The following LNX2 variants were observed in gnomAD, a reference collection of about 807,000 sequenced individuals.
The protein encoded by LNX2 is ligand of Numb protein X 2.
Under a neutral mutation model 66.2 loss-of-function variants are expected in LNX2, and 35 were observed. The observed-to-expected ratio is 0.53, with a 90% CI of 0.40 to 0.70. LNX2 has a LOEUF of 0.70. Ranked by LOEUF, LNX2 falls within the 30% of genes least tolerant of loss-of-function variation. The pLI is 0.00. For missense variants in LNX2, 791 were observed against 850.8 expected (o/e 0.93, Z 0.87); for synonymous variants, 337 against 315.6 (o/e 1.07, Z -0.72).
At chr13:27,605,420 T>A (rs1424380855) in intron 1 of LNX2, among the ~76,000 whole-genome samples, 2 of 152,226 alleles carry the variant, frequency 1.3e-5, no homozygotes, top group African/African-American at 2.4e-5. Context: ...CTGTGGCCAT[T>A]TACTCTTAGA....
intron 4 of LNX2, among the ~76,000 whole-genome samples, chr13:27,566,675 G>C (rs1314001959): frequency 6.6e-6 from 1 of 152,138 alleles, no homozygotes; most frequent in Non-Finnish European, 1.5e-5. Flanking sequence ...ATATGAAGAA[G>C]AGAAGTCCTA....
chr13:27,576,202 AAGAG>A (rs1955338550), intron 2 of LNX2, among the ~76,000 whole-genome samples: 1 of 152,222 alleles, frequency 6.6e-6, no homozygotes, highest in Non-Finnish European at 1.5e-5. Context: ...AAAAATGACA[AAGAG>A]AGAAATAGAC....
intron 1 of LNX2, among the ~76,000 whole-genome samples, chr13:27,583,898 G>C (rs76900683): frequency 0.029 from 4,452 of 152,184 alleles, 103 homozygotes; most frequent in Non-Finnish European, 0.044. Flanking sequence ...CTCTGGCTTT[G>C]TGGCCGGAAA....
intron 2 of LNX2, among the ~76,000 whole-genome samples, chr13:27,574,817 G>A (rs1320780373): frequency 1.3e-5 from 2 of 152,098 alleles, no homozygotes; most frequent in East Asian, 3.9e-4. Flanking sequence ...AGTAAGAGAG[G>A]AACAGCTCAT....
intron 1 of LNX2, among the ~76,000 whole-genome samples, chr13:27,604,515 A>T (rs1955693677): frequency 6.6e-6 from 1 of 152,246 alleles, no homozygotes; most frequent in South Asian, 2.1e-4. Flanking sequence ...ACTGCAGATT[A>T]GAAGAGTGCC....
At chr13:27,604,248 AAATCACAGTATAAAATG>A (rs1249198319) in intron 1 of LNX2, among the ~76,000 whole-genome samples, 5 of 152,250 alleles carry the variant, frequency 3.3e-5, no homozygotes, top group African/African-American at 1.2e-4. Context: ...TCCGTCTCAA[AAATCACAGTATAAAATG>A]AACCACGCTC....
At chr13:27,607,523 G>A (rs1423131084) in intron 1 of LNX2, among the ~76,000 whole-genome samples, 1 of 152,150 alleles carries the variant, frequency 6.6e-6, no homozygotes, top group Admixed American at 6.5e-5. Context: ...CACAAAGAGT[G>A]ATAGAATTAT....
At chr13:27,606,935 G>C (rs1955723395) in intron 1 of LNX2, among the ~76,000 whole-genome samples, 1 of 152,124 alleles carries the variant, frequency 6.6e-6, no homozygotes, top group African/African-American at 2.4e-5. Context: ...CAATTTTATG[G>C]AGCACTAAAA....
At chr13:27,578,909 G>C (rs1025434077) in intron 2 of LNX2, among the ~76,000 whole-genome samples, 2 of 152,210 alleles carry the variant, frequency 1.3e-5, no homozygotes, top group Non-Finnish European at 1.5e-5. Flanking sequence ...ACAAATGCTT[G>C]TTGTTTTATG....
At chr13:27,569,512 T>C (rs1955251487) in intron 2 of LNX2, among the ~76,000 whole-genome samples, 1 of 152,216 alleles carries the variant, frequency 6.6e-6, no homozygotes, top group Non-Finnish European at 1.5e-5. Context: ...ATCCAAAGAA[T>C]ACGTCAGTAA....
At chr13:27,599,502 T>C (rs532088746) in intron 1 of LNX2, among the ~76,000 whole-genome samples, 15 of 152,300 alleles carry the variant, frequency 9.8e-5, no homozygotes, top group African/African-American at 3.6e-4. Context: ...AGCATCCTCA[T>C]TGCAATCTGA....
intron 1 of LNX2, among the ~76,000 whole-genome samples, chr13:27,613,219 T>C (rs1955791181): frequency 6.6e-6 from 1 of 152,170 alleles, no homozygotes; most frequent in Middle Eastern, 3.4e-3. Context: ...TGTTTAACCA[T>C]GGGCTTCCAA....
intron 1 of LNX2, among the ~76,000 whole-genome samples, chr13:27,609,900 T>C (rs1955755988): frequency 6.6e-6 from 1 of 152,228 alleles, no homozygotes; most frequent in Non-Finnish European, 1.5e-5. Flanking sequence ...GTACTACATA[T>C]ACCGGAAAAA....
At chr13:27,615,076 C>T (rs1457716588) in intron 1 of LNX2, among the ~76,000 whole-genome samples, 1 of 152,058 alleles carries the variant, frequency 6.6e-6, no homozygotes, top group Non-Finnish European at 1.5e-5. Flanking sequence ...TCAATTCTGA[C>T]CTGGAGATAA....
At chr13:27,560,020 T>A in intron 5 of LNX2, 35 bp from the exon 6 acceptor site, 1 of 1,510,402 alleles carries the variant, frequency 6.6e-7, no homozygotes, top group Non-Finnish European at 8.9e-7. Flanking sequence ...CATAAGTGAC[T>A]AATGATGTTT....
intron 7 of LNX2, 79 bp downstream of exon 7, chr13:27,556,157 G>T (rs978667479): frequency 9.0e-6 from 12 of 1,335,720 alleles, no homozygotes; most frequent in African/African-American, 4.5e-5. Flanking sequence ...TAGATACTTT[G>T]TAGATATTCT....
chr13:27,562,046 G>A (rs896918387), intron 5 of LNX2, among the ~76,000 whole-genome samples: 3 of 152,186 alleles, frequency 2.0e-5, no homozygotes, highest in African/African-American at 4.8e-5. Context: ...GACCAGGTAA[G>A]TCAGATCCTT....
At chr13:27,595,081 T>A (rs1020939433) in intron 1 of LNX2, among the ~76,000 whole-genome samples, 2 of 152,208 alleles carry the variant, frequency 1.3e-5, no homozygotes, top group African/African-American at 4.8e-5. Context: ...TTTCACTTTC[T>A]GACACAATTC....
intron 7 of LNX2, 26 bp downstream of exon 7, chr13:27,556,210 T>TA (rs1263284864): frequency 5.6e-6 from 9 of 1,600,586 alleles, no homozygotes; most frequent in Admixed American, 1.7e-5. Flanking sequence ...TAAGATGTGG[T>TA]AAAATTTTTC....
Sources: allele counts gnomAD v4.1 joint callset (sites outside exome capture counted in the v4.1 genomes callset), GRCh38; gene constraint gnomAD v4.1.1; transcripts MANE v1.5; gene names NCBI Gene and HGNC (gene_info 2026-07-23, HGNC 2026-07-21).